XXYLT1: variants seen among roughly 807,000 people sequenced by gnomAD.
XXYLT1 encodes the protein xyloside xylosyltransferase 1.
XXYLT1 carries 20 observed loss-of-function variants against 28.9 expected under a neutral mutation model. The ratio of observed to expected loss-of-function variants is 0.69; its 90% CI spans 0.49 to 1.00. XXYLT1 has a LOEUF of 1.00. Ranked by LOEUF, XXYLT1 falls within the 50% of genes least tolerant of loss-of-function variation. The probability of loss-of-function intolerance (pLI) is 0.00; values close to 1 mark genes in which losing one functional copy is unlikely to be tolerated. For missense variants in XXYLT1, 542 were observed against 560.1 expected (o/e 0.97, Z 0.33); for synonymous variants, 257 against 253.8 (o/e 1.01, Z -0.12).
chr3:195,131,555 G>A (rs1718907067), intron 3 of XXYLT1, among the ~76,000 whole-genome samples: 1 of 152,222 alleles, frequency 6.6e-6, no homozygotes, highest in South Asian at 2.1e-4. Flanking sequence ...CTCCATTCCA[G>A]CTGTAGGACA....
intron 3 of XXYLT1, chr3:195,146,933 G>A (rs1719884053): frequency 6.5e-6 from 1 of 153,638 alleles, no homozygotes; most frequent in Non-Finnish European, 1.5e-5. Context: ...CAGAATTCCT[G>A]GGCTTAAGTG....
intron 3 of XXYLT1, 26 bp downstream of exon 3, chr3:195,156,423 G>A (rs1232067059): frequency 1.9e-6 from 3 of 1,608,922 alleles, no homozygotes; most frequent in South Asian, 2.2e-5. Flanking sequence ...GGTCGTGGAG[G>A]CGGCCCCCCT....
intron 2 of XXYLT1, among the ~76,000 whole-genome samples, chr3:195,184,278 G>A (rs949544294): frequency 6.6e-6 from 1 of 152,172 alleles, no homozygotes. Context: ...TACAACAGAC[G>A]ATATCAATTT....
rs1411537165 is a variant in XXYLT1 at position 195,210,226 on chromosome 3, G to T, written c.652+16483C>A. ...TGACAGCACCTGGTGCATTCTCCGT[G>T]CAAACAACCCCCACACCCCGCTGAA... On this transcript the variant is annotated intron_variant, in intron 2 of 3. Coordinates refer to ENST00000310380, the MANE Select transcript of XXYLT1 (RefSeq NM_152531.5). This position sits in a 1 kb window ranked among gnomAD's most constrained non-coding sequence, Gnocchi z 4.8. 6.6e-6 allele frequency among the ~76,000 whole-genome samples: 1 copy of T among 152,194 alleles called. No homozygotes were observed. Among genetic ancestry groups the T allele is most frequent in the Non-Finnish European group, 1.5e-5 (1 of 68,040 alleles).
At chr3:195,182,373 T>C (rs893780644) in intron 2 of XXYLT1, among the ~76,000 whole-genome samples, 2 of 152,228 alleles carry the variant, frequency 1.3e-5, no homozygotes, top group African/African-American at 4.8e-5. Flanking sequence ...AAGCAACTTG[T>C]TTATCTACTG....
intron 3 of XXYLT1, among the ~76,000 whole-genome samples, chr3:195,132,260 C>A (rs572065826): frequency 6.6e-6 from 1 of 152,266 alleles, no homozygotes; most frequent in East Asian, 1.9e-4. Context: ...GATAATTAAA[C>A]ATTCCAATGC....
intron 3 of XXYLT1, among the ~76,000 whole-genome samples, chr3:195,073,904 G>A (rs1004926638): frequency 1.6e-4 from 25 of 152,144 alleles, no homozygotes; most frequent in Non-Finnish European, 1.5e-5. Flanking sequence ...TTACTTCCTC[G>A]CTTCAAGTCT....
At position 195,129,877 on chromosome 3, in the gene XXYLT1, G is replaced by C. The variant is rs1285346236; in HGVS notation, c.785+26572C>G. ...GGCTGGTCAGGGTCACTAAGTTTGT[G>C]AACAGCCAGACTGTTCTTCAGAGCA... On this transcript the variant is annotated intron_variant, in intron 3 of 3. Transcript: ENST00000310380. The surrounding 1 kb of genome is among the most constrained non-coding windows in gnomAD (Gnocchi z 4.4). Among the ~76,000 whole-genome samples, 1 of 152,130 alleles carries C rather than the reference G, an allele frequency of 6.6e-6. No individual in the cohort carries two copies. Among genetic ancestry groups the C allele is most frequent in the Non-Finnish European group, 1.5e-5 (1 of 68,034 alleles).
chr3:195,271,096 C>G lies in XXYLT1; in HGVS notation c.-38G>C. ...CGCGGCGCCAGCGGTGCCAGCAACG[C>G]GGGAGAGCCCTCGGGTACCCGGACG... On this transcript the variant is annotated 5_prime_UTR_variant, in exon 1 of 4. Coordinates refer to ENST00000310380, the MANE Select transcript of XXYLT1 (RefSeq NM_152531.5). The G allele has an allele frequency of 7.7e-7, 1 of 1,303,310 alleles. No homozygotes were observed. The highest frequency in any genetic ancestry group is 9.7e-7 in the Non-Finnish European group (1 of 1,029,162). 80.7% of individuals were successfully genotyped at this position (1,303,310 alleles called of 1,614,324 possible).
chr3:195,189,252 A>G (rs1015662374), intron 2 of XXYLT1, among the ~76,000 whole-genome samples: 1 of 152,246 alleles, frequency 6.6e-6, no homozygotes, highest in African/African-American at 2.4e-5. Flanking sequence ...AATAAAAACA[A>G]AAGTTTAAAA....
At chr3:195,178,009 A>G (rs1392377233) in intron 2 of XXYLT1, among the ~76,000 whole-genome samples, 3 of 152,032 alleles carry the variant, frequency 2.0e-5, no homozygotes, top group East Asian at 3.9e-4. Context: ...ACAAGGGTAT[A>G]TAAGTTTGTC....
intron 1 of XXYLT1, among the ~76,000 whole-genome samples, chr3:195,251,510 C>A (rs1008626335): frequency 1.3e-5 from 2 of 152,162 alleles, no homozygotes; most frequent in Non-Finnish European, 2.9e-5. Flanking sequence ...CGCTGAGCAC[C>A]GGGTCCAGAC....
chr3:195,071,151 G>A (rs1714782412), intron 3 of XXYLT1, among the ~76,000 whole-genome samples: 1 of 152,188 alleles, frequency 6.6e-6, no homozygotes, highest in Non-Finnish European at 1.5e-5. Flanking sequence ...CAGCAATCGT[G>A]CCGGTGACCT....
intron 3 of XXYLT1, among the ~76,000 whole-genome samples, chr3:195,151,748 G>A (rs923889069): frequency 6.6e-6 from 1 of 152,028 alleles, no homozygotes; most frequent in African/African-American, 2.4e-5. Context: ...TGTTATTTAT[G>A]TGAAGTTCCA....
At chr3:195,251,854 A>G (rs1235043308) in intron 1 of XXYLT1, among the ~76,000 whole-genome samples, 1 of 152,182 alleles carries the variant, frequency 6.6e-6, no homozygotes, top group South Asian at 2.1e-4. Flanking sequence ...GAAGATGCAC[A>G]CACCCCAGGA....
chr3:195,132,362 G>C (rs1718945857), intron 3 of XXYLT1, among the ~76,000 whole-genome samples: 1 of 151,992 alleles, frequency 6.6e-6, no homozygotes, highest in South Asian at 2.1e-4. Flanking sequence ...GACTACTCGG[G>C]AGGCTGAGGC....
At chr3:195,194,992 T>C (rs1245045475) in intron 2 of XXYLT1, among the ~76,000 whole-genome samples, 2 of 152,138 alleles carry the variant, frequency 1.3e-5, no homozygotes, top group Non-Finnish European at 2.9e-5. Flanking sequence ...CGTGGTTACA[T>C]AAACCTATAA....
chr3:195,247,780 C>T (rs180889015), intron 1 of XXYLT1: 1 of 702,376 alleles, frequency 1.4e-6, no homozygotes, highest in Non-Finnish European at 2.6e-6. Flanking sequence ...ACAGTTCTGC[C>T]TGGCTGGGGA....
intron 1 of XXYLT1, chr3:195,247,888 C>G (rs910754274): frequency 4.4e-6 from 3 of 687,758 alleles, no homozygotes; most frequent in South Asian, 3.0e-5. Context: ...CACTTTCAAA[C>G]AGCAGATCTC....
Sources: allele counts gnomAD v4.1 joint callset (sites outside exome capture counted in the v4.1 genomes callset), GRCh38; gene constraint gnomAD v4.1.1; non-coding constraint Gnocchi (gnomAD v3.1); transcripts MANE v1.5; gene names NCBI Gene and HGNC (gene_info 2026-07-23, HGNC 2026-07-21).